STK32B: variants seen among roughly 807,000 people sequenced by gnomAD.
STK32B encodes the protein serine/threonine kinase 32B.
Under a neutral mutation model 52.6 loss-of-function variants are expected in STK32B, and 43 were observed. That is an observed-to-expected ratio of 0.82 (90% confidence interval 0.64 to 1.05). STK32B has a LOEUF of 1.05. Among genes scored for constraint, STK32B ranks in the 50% least tolerant of loss-of-function variants. STK32B has a pLI of 0.00. For missense variants in STK32B, 621 were observed against 534.6 expected (o/e 1.16, Z -1.59); for synonymous variants, 238 against 204.3 (o/e 1.17, Z -1.41).
chr4:5,417,994 G>A (rs1712302767), intron 6 of STK32B, among the ~76,000 whole-genome samples: 1 of 152,202 alleles, frequency 6.6e-6, no homozygotes, highest in African/African-American at 2.4e-5. Context: ...CAAGATGGTA[G>A]AGCCAGTTCT....
At chr4:5,403,638 T>G (rs1426484404) in intron 5 of STK32B, among the ~76,000 whole-genome samples, 1 of 152,252 alleles carries the variant, frequency 6.6e-6, no homozygotes, top group East Asian at 1.9e-4. Flanking sequence ...CATCTGTTGC[T>G]AACATATTTG....
At chr4:5,199,042 T>A (rs1217407303) in intron 3 of STK32B, among the ~76,000 whole-genome samples, 1 of 152,146 alleles carries the variant, frequency 6.6e-6, no homozygotes, top group African/African-American at 2.4e-5. Context: ...AGATTTCTGA[T>A]GAAGCACAAC....
At chr4:5,187,222 A>G (rs1720813847) in intron 3 of STK32B, among the ~76,000 whole-genome samples, 1 of 152,142 alleles carries the variant, frequency 6.6e-6, no homozygotes, top group Non-Finnish European at 1.5e-5. Flanking sequence ...CTTCTCCCGC[A>G]CCACAACACA....
intron 2 of STK32B, among the ~76,000 whole-genome samples, chr4:5,143,123 CTGTCTGTCT>C (rs1716622861): frequency 1.3e-5 from 2 of 149,732 alleles, no homozygotes; most frequent in South Asian, 4.4e-4. Flanking sequence ...GTCTGTCTGT[CTGTCTGTCT>C]ATCTGTCTGT....
At chr4:5,360,052 C>G (rs1197496180) in intron 4 of STK32B, among the ~76,000 whole-genome samples, 1 of 152,116 alleles carries the variant, frequency 6.6e-6, no homozygotes, top group Non-Finnish European at 1.5e-5. Flanking sequence ...AGTGAAGCAG[C>G]CTTTCTACCT....
chr4:5,171,271 G>A (rs1378713473), intron 3 of STK32B, among the ~76,000 whole-genome samples: 6 of 152,088 alleles, frequency 3.9e-5, no homozygotes, highest in African/African-American at 1.4e-4. Context: ...TGTTCACTCT[G>A]ATGGTGGTTT....
chr4:5,420,744 G>C (rs932467696), intron 6 of STK32B, among the ~76,000 whole-genome samples: 7 of 152,210 alleles, frequency 4.6e-5, no homozygotes, highest in Admixed American at 1.3e-4. Context: ...TGAGAAGAGA[G>C]ATGCCAGGTA....
At chr4:5,387,328 A>T (rs951414618) in intron 4 of STK32B, among the ~76,000 whole-genome samples, 1 of 152,174 alleles carries the variant, frequency 6.6e-6, no homozygotes, top group African/African-American at 2.4e-5. Context: ...AAATCTAGGA[A>T]TGGGCCCTGA....
chr4:5,039,584 AC>A, the STK32B span, among the ~76,000 whole-genome samples: 1 of 152,194 alleles, frequency 6.6e-6, no homozygotes, highest in Admixed American at 6.5e-5. Context: ...AATAGGAGGC[AC>A]ACATTTTAAA....
Position 5,394,872 on chromosome 4 carries a change from C to T in STK32B, c.435-3335C>T, listed in dbSNP as rs956372087. 1.3e-5 allele frequency among the ~76,000 whole-genome samples: 2 copies of T among 152,210 alleles called. No individual in the cohort carries two copies. The highest frequency in any genetic ancestry group is 2.9e-5 in the Non-Finnish European group (2 of 68,044). On this transcript the variant is annotated intron_variant, in intron 4 of 11. Coordinates refer to ENST00000282908, the MANE Select transcript of STK32B (RefSeq NM_018401.3). The surrounding 1 kb of genome is among the most constrained non-coding windows in gnomAD (Gnocchi z 4.2). The stretch of plus-strand genomic sequence containing the variant: ...GTGAAACTAATTACCACTAACTTAA[C>T]AACTTAAAATAACTCACATTTATTT...
intron 1 of STK32B, among the ~76,000 whole-genome samples, chr4:5,132,893 G>A (rs577510173): frequency 6.6e-6 from 1 of 152,028 alleles, no homozygotes; most frequent in African/African-American, 2.4e-5. Context: ...CTGCCTTCTG[G>A]GTTCAGGTGA....
intron 3 of STK32B, among the ~76,000 whole-genome samples, chr4:5,308,550 T>C (rs1182002537): frequency 6.6e-6 from 1 of 152,204 alleles, no homozygotes; most frequent in East Asian, 1.9e-4. Context: ...TCATTCTGTG[T>C]GCTTAGCATC....
At chr4:5,114,434 G>A (rs752760791) in intron 1 of STK32B, among the ~76,000 whole-genome samples, 10 of 151,934 alleles carry the variant, frequency 6.6e-5, no homozygotes, top group South Asian at 2.1e-4. Context: ...AGTGTCAGGC[G>A]TCCTGTTTTC....
chr4:5,431,923 C>A (rs1276249702), intron 6 of STK32B, among the ~76,000 whole-genome samples: 3 of 152,044 alleles, frequency 2.0e-5, no homozygotes, highest in Non-Finnish European at 2.9e-5. Flanking sequence ...CTTCTTTCCA[C>A]AGCTTCTTGG....
chr4:5,177,097 T>C (rs1379803908), intron 3 of STK32B, among the ~76,000 whole-genome samples: 3 of 152,224 alleles, frequency 2.0e-5, no homozygotes, highest in Non-Finnish European at 4.4e-5. Context: ...TATATGTGTG[T>C]ATGTGTATTA....
intron 3 of STK32B, among the ~76,000 whole-genome samples, chr4:5,283,368 C>A (rs1728332705): frequency 6.6e-6 from 1 of 151,734 alleles, no homozygotes; most frequent in African/African-American, 2.4e-5. Context: ...TTATGAGACA[C>A]CATCAAGATG....
chr4:5,167,002 A>C (rs1217571808), intron 2 of STK32B, among the ~76,000 whole-genome samples: 1 of 149,364 alleles, frequency 6.7e-6, no homozygotes, highest in East Asian at 2.0e-4. Context: ...TCCATGCCAC[A>C]TGTGCATGTC....
At chr4:5,214,511 G>C (rs959555424) in intron 3 of STK32B, among the ~76,000 whole-genome samples, 3 of 152,090 alleles carry the variant, frequency 2.0e-5, no homozygotes. Context: ...GACATTCATG[G>C]TCCCCAGGCA....
At chr4:5,098,723 C>G (rs1713536337) in intron 1 of STK32B, among the ~76,000 whole-genome samples, 1 of 152,188 alleles carries the variant, frequency 6.6e-6, no homozygotes, top group Non-Finnish European at 1.5e-5. Flanking sequence ...TTCCTGGTCT[C>G]CCAGCTGTTC....
Sources: gnomAD v4.1 joint callset for allele counts (sites outside exome capture counted in the v4.1 genomes callset) on GRCh38, gnomAD v4.1.1 for gene constraint, Gnocchi (gnomAD v3.1) non-coding constraint, MANE v1.5 for transcripts, NCBI Gene and HGNC (gene_info 2026-07-23, HGNC 2026-07-21) for gene names.